The following MACROD1 variants were observed in gnomAD, a reference collection of about 807,000 sequenced individuals.
The protein encoded by MACROD1 is ADP-ribose glycohydrolase MACROD1.
Under a neutral mutation model 41.4 loss-of-function variants are expected in MACROD1, and 31 were observed. The ratio of observed to expected loss-of-function variants is 0.75; its 90% confidence interval spans 0.56 to 1.01. The LOEUF (loss-of-function observed/expected upper bound fraction) is 1.01, where lower values mean the gene tolerates loss of function less well. MACROD1 is among the 50% of genes least tolerant of loss of function. The probability of loss-of-function intolerance (pLI) is 0.00; values close to 1 mark genes in which losing one functional copy is unlikely to be tolerated. For synonymous variants in MACROD1, 252 were observed against 203.4 expected (o/e 1.24, Z -2.03); for missense variants, 473 against 460.0 (o/e 1.03, Z -0.26).
At chr11:64,021,965 C>T (rs1358624760) in intron 3 of MACROD1, among the ~76,000 whole-genome samples, 1 of 1,734 alleles carries the variant, frequency 5.8e-4, no homozygotes, top group African/African-American at 1.7e-3. Context: ...GAGGTGGCGG[C>T]GGGCAGTGGA....
At chr11:64,029,010 C>T (rs969134337) in intron 3 of MACROD1, among the ~76,000 whole-genome samples, 4 of 152,180 alleles carry the variant, frequency 2.6e-5, no homozygotes, top group African/African-American at 9.7e-5. Context: ...GGGAGAGGGA[C>T]CCTGGACTCA....
In MACROD1 at chr11:64,151,354, C is replaced by A; in HGVS notation, c.402G>T (p.Gly134=). 1 of 1,612,066 alleles carries A rather than the reference C, an allele frequency of 6.2e-7. No homozygotes were observed. The highest frequency in any genetic ancestry group is 8.5e-7 in the Non-Finnish European group (1 of 1,178,898). The change falls in exon 3 of 11, where the codon GGG becomes GGT. Residue 134 remains glycine (G), a splice_region_variant and synonymous_variant. Transcript: ENST00000255681. ...KIPTWKEMAK[G]VAVKVEEPRY... is the part of the protein sequence containing the mutation. ...TGGGCTCCTCCACCTTCACAGCCAC[C>A]CCTGGAACAAGTAGGGGCCGGGGAG...
At chr11:64,071,760 C>G (rs1167719569) in intron 3 of MACROD1, among the ~76,000 whole-genome samples, 2 of 152,180 alleles carry the variant, frequency 1.3e-5, no homozygotes, top group African/African-American at 4.8e-5. Context: ...AGGAGACTGG[C>G]CTGCCCCATC....
In MACROD1 at chr11:64,144,584, G is replaced by A. The variant is rs542529942; in HGVS notation, c.517+6655C>T. On this transcript the variant is annotated intron_variant, in intron 3 of 10. Coordinates refer to ENST00000255681, the MANE Select transcript of MACROD1 (RefSeq NM_014067.4). ...TGGCCAGGGCACCGGAAAGTGGCCC[G>A]GCCCCACCTGCTCTTGGCTTCCCCG... Among the ~76,000 whole-genome samples, 308 of 152,178 alleles carry A rather than the reference G, an allele frequency of 2.0e-3. 2 individuals carry two copies. The highest frequency in any genetic ancestry group is 6.9e-3 in the African/African-American group (286 of 41,536).
At chr11:64,004,571 C>T (rs1283569620) in intron 4 of MACROD1, among the ~76,000 whole-genome samples, 1 of 152,140 alleles carries the variant, frequency 6.6e-6, no homozygotes, top group Non-Finnish European at 1.5e-5. Flanking sequence ...GCAGGGCACC[C>T]CAACCCGCAG....
intron 3 of MACROD1, among the ~76,000 whole-genome samples, chr11:64,043,607 T>A (rs1486051012): frequency 6.6e-6 from 1 of 152,106 alleles, no homozygotes; most frequent in Non-Finnish European, 1.5e-5. Context: ...GGGGCTCAAA[T>A]GTCACCTTCT....
rs763651655 is a variant in MACROD1 at position 63,998,871 on chromosome 11, G to C, written c.975C>G (p.Ala325=). The change falls in exon 10 of 11, where the codon GCC becomes GCG. Residue 325 remains alanine (A), a splice_region_variant and synonymous_variant. Coordinates refer to ENST00000255681, the MANE Select transcript of MACROD1 (RefSeq NM_014067.4). The part of the protein sequence containing the change: ...RSRLPHYFPV[A] Reference sequence around the variant, plus strand: ...GTCAGGGTGGGCTGCGGGAGCCTCAGGCTGGAAGGCAGAGGACAGTGAGAG... The same window carrying C: ...GTCAGGGTGGGCTGCGGGAGCCTCACGCTGGAAGGCAGAGGACAGTGAGAG... 1.9e-6 allele frequency: 3 copies of C among 1,594,642 alleles called. No homozygotes were observed. The South Asian group carries it at 3.4e-5, about 18-fold the overall frequency.
chr11:64,072,210 C>A (rs1001866384), intron 3 of MACROD1, among the ~76,000 whole-genome samples: 1 of 152,090 alleles, frequency 6.6e-6, no homozygotes, highest in African/African-American at 2.4e-5. Flanking sequence ...GCTTCATCCT[C>A]AGCTGCTGTG....
chr11:64,079,345 C>T (rs929016216), intron 3 of MACROD1, among the ~76,000 whole-genome samples: 4 of 140,584 alleles, frequency 2.8e-5, no homozygotes, highest in South Asian at 2.2e-4. Flanking sequence ...TGGGAGGTTA[C>T]GGTTAAAGGG....
At chr11:64,038,260 G>A (rs1447345652) in intron 3 of MACROD1, among the ~76,000 whole-genome samples, 1 of 152,232 alleles carries the variant, frequency 6.6e-6, no homozygotes, top group Non-Finnish European at 1.5e-5. Flanking sequence ...GGCTGAGCCT[G>A]TGTCGCATTC....
intron 3 of MACROD1, among the ~76,000 whole-genome samples, chr11:64,046,852 C>T (rs1414761489): frequency 1.3e-5 from 2 of 152,162 alleles, no homozygotes; most frequent in South Asian, 2.1e-4. Context: ...AAGTCTTCCC[C>T]ATCCCTGCCT....
intron 3 of MACROD1, among the ~76,000 whole-genome samples, chr11:64,139,156 C>T (rs988774323): frequency 6.6e-6 from 1 of 152,226 alleles, no homozygotes; most frequent in East Asian, 1.9e-4. Context: ...CCTCTGCTCA[C>T]TGCCTCCCGC....
intron 3 of MACROD1, among the ~76,000 whole-genome samples, chr11:64,023,152 G>A (rs758618213): frequency 7.2e-5 from 11 of 152,194 alleles, no homozygotes; most frequent in African/African-American, 2.4e-4. Context: ...GAGCCACCAC[G>A]CCTGGCCTCC....
At chr11:64,152,989 C>T (rs553417396) in intron 1 of MACROD1, among the ~76,000 whole-genome samples, 2 of 152,296 alleles carry the variant, frequency 1.3e-5, no homozygotes, top group African/African-American at 4.8e-5. Flanking sequence ...GAATCGTTCT[C>T]GTTTTACAGA....
At chr11:64,111,522 G>A (rs768655668) in intron 3 of MACROD1, among the ~76,000 whole-genome samples, 2 of 152,222 alleles carry the variant, frequency 1.3e-5, no homozygotes, top group South Asian at 2.1e-4. Context: ...AGGGACAGAC[G>A]TGCAGTGGGA....
At chr11:64,134,673 A>C (rs992917567) in intron 3 of MACROD1, among the ~76,000 whole-genome samples, 2 of 152,160 alleles carry the variant, frequency 1.3e-5, no homozygotes, top group Non-Finnish European at 2.9e-5. Context: ...TGTACACAGC[A>C]ATACTTCCAG....
At chr11:64,070,967 C>T (rs1186470187) in intron 3 of MACROD1, among the ~76,000 whole-genome samples, 1 of 152,056 alleles carries the variant, frequency 6.6e-6, no homozygotes, top group Non-Finnish European at 1.5e-5. Context: ...GTCTTTATTC[C>T]AGGCTCTGAA....
intron 3 of MACROD1, among the ~76,000 whole-genome samples, chr11:64,100,618 C>G (rs1043135687): frequency 1.3e-5 from 2 of 152,166 alleles, no homozygotes; most frequent in African/African-American, 4.8e-5. Flanking sequence ...ATTCTTGGGC[C>G]TCCTTTGGTT....
intron 1 of MACROD1, among the ~76,000 whole-genome samples, chr11:64,162,757 A>G (rs1346344940): frequency 6.7e-6 from 1 of 149,242 alleles, no homozygotes; most frequent in African/African-American, 2.5e-5. Context: ...GGAGCTTGCA[A>G]TGAACCAAGG....
Sources: gnomAD v4.1 joint callset for allele counts (sites outside exome capture counted in the v4.1 genomes callset) on GRCh38, gnomAD v4.1.1 for gene constraint, MANE v1.5 for transcripts, NCBI Gene and HGNC (gene_info 2026-07-23, HGNC 2026-07-21) for gene names.